UBOX5: variants seen among roughly 807,000 people sequenced by gnomAD.
The protein encoded by UBOX5 is U-box domain containing 5.
UBOX5 carries 28 observed loss-of-function variants against 39.0 expected under a neutral mutation model. The observed-to-expected ratio is 0.72, with a 90% CI of 0.53 to 0.98. UBOX5 has a LOEUF of 0.98. UBOX5 is among the 50% of genes least tolerant of loss of function. The probability of loss-of-function intolerance (pLI) is 0.00; values close to 1 mark genes in which losing one functional copy is unlikely to be tolerated. For synonymous variants in UBOX5, 283 were observed against 275.5 expected (o/e 1.03, Z -0.27); for missense variants, 585 against 674.4 (o/e 0.87, Z 1.47).
chr20:3,128,354 A>G (rs1238831704), intron 1 of UBOX5, among the ~76,000 whole-genome samples: 1 of 152,228 alleles, frequency 6.6e-6, no homozygotes, highest in Non-Finnish European at 1.5e-5. Flanking sequence ...AAGCCAATGA[A>G]ATAAAACATT....
chr20:3,145,207 C>A (rs2066549994), intron 1 of UBOX5, among the ~76,000 whole-genome samples: 1 of 151,612 alleles, frequency 6.6e-6, no homozygotes, highest in Non-Finnish European at 1.5e-5. Flanking sequence ...GGTGGGAGTG[C>A]ACTGACACAA....
At chr20:3,147,804 C>T in intron 1 of UBOX5, 4 of 1,614,176 alleles carry the variant, frequency 2.5e-6, no homozygotes, top group Non-Finnish European at 3.4e-6. Context: ...CGACAGTGTG[C>T]CACTCTAGGA....
At chr20:3,137,001 G>A (rs2066477706) in intron 1 of UBOX5, among the ~76,000 whole-genome samples, 1 of 150,462 alleles carries the variant, frequency 6.6e-6, no homozygotes, top group African/African-American at 2.5e-5. Flanking sequence ...GGGCTGGAGT[G>A]CAGTGGGGCA....
At chr20:3,153,146 A>G (rs990144011) in intron 1 of UBOX5, among the ~76,000 whole-genome samples, 6 of 152,252 alleles carry the variant, frequency 3.9e-5, no homozygotes, top group African/African-American at 1.4e-4. Context: ...TTAAAACATT[A>G]AATAATTAAA....
At chr20:3,121,090 A>ATCACCCATCACC (rs1568470346) in intron 3 of UBOX5, among the ~76,000 whole-genome samples, 2 of 152,180 alleles carry the variant, frequency 1.3e-5, no homozygotes, top group Non-Finnish European at 2.9e-5. Flanking sequence ...AAGGGACCCC[A>ATCACCCATCACC]AGGAAGGCAA....
chr20:3,111,460 C>T (rs1170183546), intron 4 of UBOX5, among the ~76,000 whole-genome samples: 1 of 152,190 alleles, frequency 6.6e-6, no homozygotes, highest in Non-Finnish European at 1.5e-5. Context: ...CATAACTCTG[C>T]TTTCTACCTC....
chr20:3,135,362 C>G (rs540383701), intron 1 of UBOX5, among the ~76,000 whole-genome samples: 58 of 152,090 alleles, frequency 3.8e-4, no homozygotes, highest in African/African-American at 1.4e-3. Flanking sequence ...AGAGAAGGAG[C>G]CCTGGGGAAA....
chr20:3,159,679 A>T (rs1600432065), intron 1 of UBOX5, 87 bp downstream of exon 1: 1 of 152,374 alleles, frequency 6.6e-6, no homozygotes, highest in East Asian at 1.9e-4. Context: ...GCCGGCCGGG[A>T]GGACAGGAGG....
At chr20:3,118,895 C>T (rs2066313706) in intron 3 of UBOX5, among the ~76,000 whole-genome samples, 1 of 152,050 alleles carries the variant, frequency 6.6e-6, no homozygotes, top group Non-Finnish European at 1.5e-5. Flanking sequence ...GCCGAGATCA[C>T]ACCACTGCAC....
chr20:3,111,404 T>A (rs115162075), intron 4 of UBOX5, among the ~76,000 whole-genome samples: 3,382 of 152,234 alleles, frequency 0.022, 149 homozygotes, highest in African/African-American at 0.077. Flanking sequence ...TCTCAATCTG[T>A]CCTCAAAGCT....
intron 1 of UBOX5, among the ~76,000 whole-genome samples, chr20:3,132,333 AAC>A (rs1488525332): frequency 2.6e-5 from 4 of 152,040 alleles, no homozygotes; most frequent in African/African-American, 4.8e-5. Flanking sequence ...ACAAAAACAA[AAC>A]ACAAAGAATT....
chr20:3,148,145 T>C (rs1479544419), intron 1 of UBOX5: 4 of 1,613,784 alleles, frequency 2.5e-6, no homozygotes, highest in Non-Finnish European at 3.4e-6. Context: ...CAAATCTATA[T>C]ATTTAAGGAT....
At chr20:3,145,835 C>T (rs942975931) in intron 1 of UBOX5, among the ~76,000 whole-genome samples, 4 of 152,074 alleles carry the variant, frequency 2.6e-5, no homozygotes, top group African/African-American at 9.7e-5. Context: ...CATCTGAGGT[C>T]AGGAGTGTGA....
intron 1 of UBOX5, chr20:3,147,578 A>G (rs1320156835): frequency 6.2e-7 from 1 of 1,614,178 alleles, no homozygotes; most frequent in East Asian, 2.2e-5. Flanking sequence ...TAACCTGACA[A>G]ACCCTGGACT....
intron 1 of UBOX5, among the ~76,000 whole-genome samples, chr20:3,128,671 G>A (rs80094714): frequency 0.013 from 2,006 of 152,100 alleles, 39 homozygotes; most frequent in African/African-American, 0.046. Context: ...AGATCAGCCC[G>A]GGCAACACAG....
chr20:3,109,615 C>T lies in UBOX5; in HGVS notation c.*491G>A, dbSNP rs957785735. On this transcript the variant is annotated 3_prime_UTR_variant, in exon 5 of 5. Coordinates refer to ENST00000217173, the MANE Select transcript of UBOX5 (RefSeq NM_014948.4). Reference sequence around the variant, plus strand: ...CCACCAGGAGGAAACCCACAGCAGACGTCAACCATCGCTTTATTAAGGCTG... The same window carrying T: ...CCACCAGGAGGAAACCCACAGCAGATGTCAACCATCGCTTTATTAAGGCTG... 3.3e-5 allele frequency: 6 copies of T among 180,796 alleles called. No homozygotes were observed. Among genetic ancestry groups the T allele is most frequent in the East Asian group, 1.3e-4 (1 of 7,496 alleles). 11.2% of individuals were successfully genotyped at this position (180,796 alleles called of 1,614,324 possible).
At chr20:3,111,601 C>G (rs890820459) in intron 4 of UBOX5, 1 of 152,656 alleles carries the variant, frequency 6.6e-6, no homozygotes, top group African/African-American at 2.4e-5. Context: ...ACACTCTGCG[C>G]TGCTGGCCTC....
At chr20:3,133,876 C>T (rs1055203373) in intron 1 of UBOX5, among the ~76,000 whole-genome samples, 1 of 151,974 alleles carries the variant, frequency 6.6e-6, no homozygotes, top group African/African-American at 2.4e-5. Flanking sequence ...CCTCTGCCTC[C>T]CGAGTATCTG....
intron 1 of UBOX5, among the ~76,000 whole-genome samples, chr20:3,158,685 A>G (rs1343909622): frequency 6.6e-6 from 1 of 151,952 alleles, no homozygotes; most frequent in Non-Finnish European, 1.5e-5. Context: ...CATATTAGCC[A>G]AGATGGTCTC....
Sources: gnomAD v4.1 joint callset for allele counts (sites outside exome capture counted in the v4.1 genomes callset) on GRCh38, gnomAD v4.1.1 for gene constraint, MANE v1.5 for transcripts, NCBI Gene and HGNC (gene_info 2026-07-23, HGNC 2026-07-21) for gene names.